The following AFG2A variants were observed in gnomAD, a reference collection of about 807,000 sequenced individuals.
AFG2A encodes ATPase family gene 2 protein homolog A.
At chr4:122,968,936 A>G in the AFG2A span, among the ~76,000 whole-genome samples, 1 of 152,144 alleles carries the variant, frequency 6.6e-6, no homozygotes, top group Non-Finnish European at 1.5e-5. Flanking sequence ...GTGCCTGTCA[A>G]GTATCTATTC....
chr4:123,071,254 G>A, the AFG2A span, among the ~76,000 whole-genome samples: 11 of 152,322 alleles, frequency 7.2e-5, no homozygotes, highest in African/African-American at 2.6e-4. Flanking sequence ...GCCAAGGCGG[G>A]TGGATCACCT....
At chr4:122,940,829 C>G in the AFG2A span, among the ~76,000 whole-genome samples, 1 of 151,192 alleles carries the variant, frequency 6.6e-6, no homozygotes, top group East Asian at 1.9e-4. Flanking sequence ...AGGAAGGGAT[C>G]CAGTTTCAGC....
the AFG2A span, among the ~76,000 whole-genome samples, chr4:122,936,718 G>A: frequency 6.6e-6 from 1 of 152,154 alleles, no homozygotes; most frequent in Non-Finnish European, 1.5e-5. Context: ...GGTGGCTCAC[G>A]CCTGTAATCC....
the AFG2A span, among the ~76,000 whole-genome samples, chr4:123,295,906 C>T: frequency 6.6e-6 from 1 of 151,818 alleles, no homozygotes; most frequent in Non-Finnish European, 1.5e-5. Flanking sequence ...GTCTCAAAAG[C>T]AAAACAAAAC....
chr4:123,007,579 T>C, the AFG2A span, among the ~76,000 whole-genome samples: 1 of 2,390 alleles, frequency 4.2e-4, no homozygotes, highest in African/African-American at 1.2e-3. Context: ...TGTGTGTGTG[T>C]GTGTGTGTGT....
the AFG2A span, among the ~76,000 whole-genome samples, chr4:123,147,908 G>T: frequency 1.3e-5 from 2 of 152,224 alleles, no homozygotes; most frequent in South Asian, 4.1e-4. Context: ...GTTCATATGA[G>T]TGAACACTTT....
the AFG2A span, among the ~76,000 whole-genome samples, chr4:123,038,024 A>G: frequency 6.6e-6 from 1 of 152,160 alleles, no homozygotes; most frequent in Admixed American, 6.5e-5. Flanking sequence ...TGACTCCTAA[A>G]GCCCTTCTGC....
chr4:123,282,553 T>C, the AFG2A span, among the ~76,000 whole-genome samples: 1 of 152,136 alleles, frequency 6.6e-6, no homozygotes, highest in East Asian at 1.9e-4. Context: ...CAATTCGTGT[T>C]TTACAACTAT....
the AFG2A span, among the ~76,000 whole-genome samples, chr4:122,936,746 G>C: frequency 2.6e-5 from 4 of 152,114 alleles, no homozygotes; most frequent in Non-Finnish European, 5.9e-5. Flanking sequence ...TTGGGAGACC[G>C]AGGCAGGCAG....
chr4:123,129,997 T>C, the AFG2A span, among the ~76,000 whole-genome samples: 11 of 152,094 alleles, frequency 7.2e-5, no homozygotes, highest in African/African-American at 1.7e-4. Flanking sequence ...GTAACTGTTA[T>C]GTGAGGTTTT....
the AFG2A span, among the ~76,000 whole-genome samples, chr4:123,047,822 C>G: frequency 1.9e-4 from 29 of 151,980 alleles, no homozygotes; most frequent in Non-Finnish European, 1.2e-4. Flanking sequence ...CCTTTCTTAG[C>G]CTCCTGAGCA....
At chr4:123,248,926 A>C in the AFG2A span, among the ~76,000 whole-genome samples, 3 of 152,204 alleles carry the variant, frequency 2.0e-5, no homozygotes, top group African/African-American at 7.2e-5. Flanking sequence ...AGTAATCACT[A>C]TAATAGCATT....
chr4:122,966,781 G>A, the AFG2A span, among the ~76,000 whole-genome samples: 11 of 152,044 alleles, frequency 7.2e-5, no homozygotes, highest in South Asian at 2.1e-4. Flanking sequence ...TAATAACTAC[G>A]CGTTATGATG....
At chr4:123,088,488 C>A in the AFG2A span, among the ~76,000 whole-genome samples, 1 of 152,112 alleles carries the variant, frequency 6.6e-6, no homozygotes, top group East Asian at 1.9e-4. Context: ...TAAACTCCCA[C>A]GTGGAAAAGT....
the AFG2A span, among the ~76,000 whole-genome samples, chr4:123,050,391 G>A: frequency 1.1e-4 from 16 of 152,256 alleles, no homozygotes; most frequent in African/African-American, 3.9e-4. Context: ...CTCAAAGTGG[G>A]GCATTGCGGT....
At chr4:123,149,656 T>C in the AFG2A span, among the ~76,000 whole-genome samples, 1 of 152,172 alleles carries the variant, frequency 6.6e-6, no homozygotes, top group Admixed American at 6.5e-5. Flanking sequence ...CCACCTCACA[T>C]AGGCACACAC....
chr4:123,028,332 C>T, the AFG2A span: 8 of 1,613,992 alleles, frequency 5.0e-6, no homozygotes, highest in Non-Finnish European at 5.1e-6. Context: ...CACCTGGGTG[C>T]TCTAAAACAA....
At chr4:123,141,682 A>G in the AFG2A span, among the ~76,000 whole-genome samples, 2 of 152,188 alleles carry the variant, frequency 1.3e-5, no homozygotes, top group East Asian at 3.8e-4. Flanking sequence ...ACTCCGTTGT[A>G]AGTAGAGGCT....
At chr4:122,939,265 A>G in the AFG2A span, among the ~76,000 whole-genome samples, 1 of 151,792 alleles carries the variant, frequency 6.6e-6, no homozygotes, top group Non-Finnish European at 1.5e-5. Context: ...TTGTATTTTT[A>G]GTAGAGACGG....
Sources: gnomAD v4.1 joint callset for allele counts (sites outside exome capture counted in the v4.1 genomes callset) on GRCh38, gnomAD v4.1.1 for gene constraint, MANE v1.5 for transcripts, NCBI Gene and HGNC (gene_info 2026-07-23, HGNC 2026-07-21) for gene names.